Variants in UBXN8 observed in about 807,000 individuals in gnomAD.
UBXN8 encodes UBX domain protein 8.
A neutral mutation model predicts 32.1 loss-of-function variants in UBXN8; 27 were observed. The observed-to-expected ratio is 0.84, with a 90% confidence interval of 0.62 to 1.16. The LOEUF (loss-of-function observed/expected upper bound fraction) is 1.16, where lower values mean the gene tolerates loss of function less well. Among genes scored for constraint, UBXN8 ranks in the 50% most tolerant of loss-of-function variants. The pLI is 0.00. For missense variants in UBXN8, 306 were observed against 311.4 expected, an observed-to-expected ratio of 0.98 and a Z score of 0.13; for synonymous variants, 109 against 111.8, an observed-to-expected ratio of 0.98 and a Z score of 0.16.
intron 1 of UBXN8, among the ~76,000 whole-genome samples, chr8:30,736,047 T>C (rs1175086178): frequency 6.6e-6 from 1 of 152,208 alleles, no homozygotes; most frequent in Non-Finnish European, 1.5e-5. Flanking sequence ...TCATGTTCCA[T>C]GTATGAAGAT....
upstream of UBXN8, among the ~76,000 whole-genome samples, chr8:30,731,022 A>G (rs1418883471): frequency 4.6e-5 from 7 of 152,228 alleles, no homozygotes; most frequent in Non-Finnish European, 7.3e-5. Context: ...AGGCAAGGGA[A>G]GGGGGGCCCC....
upstream of UBXN8, among the ~76,000 whole-genome samples, chr8:30,729,857 G>A (rs1415877976): frequency 1.3e-5 from 2 of 152,202 alleles, no homozygotes; most frequent in Non-Finnish European, 2.9e-5. Context: ...ACTCAGACCA[G>A]TTTCCATACA....
At chr8:30,744,371 G>A in intron 1 of UBXN8, 94 bp downstream of exon 1, 1 of 1,269,396 alleles carries the variant, frequency 7.9e-7, no homozygotes, top group South Asian at 1.3e-5. Flanking sequence ...CGTGGCTTCG[G>A]AGCAGCTTTG....
rs370931039 is a variant in UBXN8 at position 30,766,877 on chromosome 8, A to G, written c.*483A>G. On this transcript the variant is annotated 3_prime_UTR_variant, in exon 8 of 8. Transcript: ENST00000265616. ...AAGTTCTTTCTGTTGGGTGTGCATT[A>G]CAGTTTACTTAACTGATGTTTGCGA... The G allele has an allele frequency of 5.3e-5, 8 of 152,368 alleles. No homozygotes were observed. The highest frequency in any genetic ancestry group is 3.9e-4 in the East Asian group (2 of 5,184). The allele number at this position is 152,368 out of a possible 1,614,324, so 9.4% of individuals were successfully genotyped here. A position where few individuals can be genotyped will look rare whatever the true frequency, so the allele number is the denominator to read the frequency against.
At chr8:30,759,967 A>G (rs1805784972) in intron 5 of UBXN8, among the ~76,000 whole-genome samples, 1 of 131,010 alleles carries the variant, frequency 7.6e-6, no homozygotes, top group South Asian at 2.4e-4. Flanking sequence ...AGAAAAATAA[A>G]TAAATAAAAT....
intron 4 of UBXN8, 45 bp from the exon 5 acceptor site, chr8:30,756,720 T>C: frequency 6.2e-7 from 1 of 1,610,242 alleles, no homozygotes; most frequent in Non-Finnish European, 8.5e-7. Context: ...AGAATAAAGT[T>C]GATAGAAAAC....
At chr8:30,766,179 G>A (rs377237504) in intron 7 of UBXN8, 48 bp from the exon 8 acceptor site, 1 of 1,558,706 alleles carries the variant, frequency 6.4e-7, no homozygotes, top group African/African-American at 1.4e-5. Context: ...AAGGGACATG[G>A]TGTGTAAAGT....
At position 30,754,758 on chromosome 8, in the gene UBXN8, T is replaced by C; in HGVS notation, c.376T>C (p.Trp126Arg). ...ERFYQMTGEA[W>R]KLSSGHKLGG... ...CTTTTATCAAATGACGGGTGAAGCC[T>C]GGAAATTAAGCAGTGGTCACAAACT... The change falls in exon 4 of 8, where the codon TGG (tryptophan) becomes CGG (arginine). Residue 126 changes from tryptophan (W) to arginine (R), a missense_variant. Trp to Arg is a moderately radical substitution (Grantham distance 101). Coordinates refer to ENST00000265616, the MANE Select transcript of UBXN8 (RefSeq NM_005671.4). 6.4e-7 allele frequency: 1 copy of C among 1,559,176 alleles called. No homozygotes were observed. Among genetic ancestry groups the C allele is most frequent in the South Asian group, 1.3e-5 (1 of 79,796 alleles).
At chr8:30,754,016 T>G (rs1586099237) in intron 3 of UBXN8, among the ~76,000 whole-genome samples, 1 of 152,050 alleles carries the variant, frequency 6.6e-6, no homozygotes, top group East Asian at 1.9e-4. Context: ...CTGAGACGGG[T>G]GGATCACGAG....
At chr8:30,762,027 T>C (rs898032568) in intron 6 of UBXN8, among the ~76,000 whole-genome samples, 2 of 151,482 alleles carry the variant, frequency 1.3e-5, no homozygotes, top group Non-Finnish European at 2.9e-5. Flanking sequence ...AACCTACTTC[T>C]TGGGGCTCGG....
chr8:30,757,030 C>G, intron 5 of UBXN8, 143 bp downstream of exon 5: 1 of 1,297,422 alleles, frequency 7.7e-7, no homozygotes, highest in Admixed American at 2.6e-5. Flanking sequence ...AAGCAATCAC[C>G]CCAGAATAGG....
intron 4 of UBXN8, among the ~76,000 whole-genome samples, chr8:30,755,724 C>T (rs1586100595): frequency 7.4e-6 from 1 of 135,060 alleles, no homozygotes; most frequent in African/African-American, 2.7e-5. Flanking sequence ...TACCACTGCA[C>T]TCTAGGCTGG....
chr8:30,757,985 C>G, intron 5 of UBXN8, among the ~76,000 whole-genome samples: 1 of 151,774 alleles, frequency 6.6e-6, no homozygotes, highest in South Asian at 2.1e-4. Context: ...CTCCTGGGTT[C>G]ACACCATTCT....
chr8:30,745,916 T>G (rs1805347199), intron 1 of UBXN8, among the ~76,000 whole-genome samples: 1 of 152,162 alleles, frequency 6.6e-6, no homozygotes, highest in South Asian at 2.1e-4. Flanking sequence ...GCCTTGCTTA[T>G]TTTTTGTATT....
Position 30,763,298 on chromosome 8 carries a change from C to T in UBXN8, c.596C>T (p.Pro199Leu). 1 of 1,613,790 alleles carries T rather than the reference C, an allele frequency of 6.2e-7. No individual in the cohort carries two copies. The highest frequency in any genetic ancestry group is 1.7e-4 in the Middle Eastern group (1 of 6,060). ...GTAGTTACTGTTGCTCTCCGATGTC[C>T]CAGTGGGAATGTCCTGAGGAGAAGG... ...EEVVTVALRC[P>L]SGNVLRRRFL... The change falls in exon 7 of 8, where the codon CCC (proline) becomes CTC (leucine). Residue 199 changes from proline (P) to leucine (L), a missense_variant. Transcript: ENST00000265616.
intron 2 of UBXN8, 49 bp from the exon 3 acceptor site, chr8:30,752,986 A>C: frequency 6.8e-7 from 1 of 1,475,864 alleles, no homozygotes; most frequent in African/African-American, 1.4e-5. Context: ...TTGTACTTCA[A>C]ATAAGATACT....
intron 1 of UBXN8, chr8:30,733,876 T>C (rs775089296): frequency 6.6e-6 from 1 of 152,210 alleles, no homozygotes; most frequent in Non-Finnish European, 1.5e-5. Context: ...AACATTGGAA[T>C]AGTGGATTAA....
chr8:30,756,457 T>C (rs988804081), intron 4 of UBXN8, among the ~76,000 whole-genome samples: 3 of 152,032 alleles, frequency 2.0e-5, no homozygotes, highest in Non-Finnish European at 4.4e-5. Context: ...TTTTTGCATT[T>C]TTTTAGTAGA....
upstream of UBXN8, among the ~76,000 whole-genome samples, chr8:30,730,717 G>A (rs188704248): frequency 7.4e-4 from 113 of 152,326 alleles, no homozygotes; most frequent in African/African-American, 1.8e-3. Context: ...ACAATTCTAC[G>A]AGAGACTGTG....
Sources: allele counts gnomAD v4.1 joint callset (sites outside exome capture counted in the v4.1 genomes callset), GRCh38; gene constraint gnomAD v4.1.1; transcripts MANE v1.5; gene names NCBI Gene and HGNC (gene_info 2026-07-23, HGNC 2026-07-21).